The following RGL4 variants were observed in gnomAD, a reference collection of about 807,000 sequenced individuals.
RGL4 encodes ral-GDS-related protein.
Under a neutral mutation model 49.6 loss-of-function variants are expected in RGL4, and 41 were observed. That is an observed-to-expected ratio of 0.83 (90% CI 0.64 to 1.07). The LOEUF (loss-of-function observed/expected upper bound fraction) is 1.07. RGL4 is among the 50% of genes least tolerant of loss of function. The pLI is 0.00. For missense variants in RGL4, 610 were observed against 591.9 expected (o/e 1.03, Z -0.32); for synonymous variants, 255 against 238.0 (o/e 1.07, Z -0.66).
rs2070448 is a variant in RGL4 at position 23,694,470 on chromosome 22, T to C, written c.1016+20T>C. 0.11 allele frequency: 163,906 copies of C among 1,551,118 alleles called. 10,015 individuals are homozygous for C. Among genetic ancestry groups the C allele is most frequent in the East Asian group, 0.28 (12,270 of 44,414 alleles). On this transcript the variant is annotated intron_variant, in intron 5 of 10. Coordinates refer to ENST00000290691, the MANE Select transcript of RGL4 (RefSeq NM_153615.2). Reference sequence around the variant, plus strand: ...GTCCAGGTGAGGAGGGCTCTCTCCATGGCAGCATCAGGGTTGACCTAGGGA... The same window carrying C: ...GTCCAGGTGAGGAGGGCTCTCTCCACGGCAGCATCAGGGTTGACCTAGGGA...
chr22:23,699,077 G>C lies in RGL4; in HGVS notation c.*194G>C. On this transcript the variant is annotated 3_prime_UTR_variant, in exon 11 of 11. Coordinates refer to ENST00000290691, the MANE Select transcript of RGL4 (RefSeq NM_153615.2). ...GGATCAGGCCATGGGACTTTTGTGA[G>C]TCAGGCGGGAGACCATTTTATGTTT... The C allele has an allele frequency of 1.3e-6, 2 of 1,541,534 alleles. No individual in the cohort carries two copies. The highest frequency in any genetic ancestry group is 1.7e-6 in the Non-Finnish European group (2 of 1,146,082).
intron 10 of RGL4, 59 bp from the exon 11 acceptor site, chr22:23,698,785 T>C: frequency 1.3e-6 from 2 of 1,554,646 alleles, no homozygotes; most frequent in Non-Finnish European, 1.7e-6. Flanking sequence ...GGGCAGGCAC[T>C]GACAGGGGAC....
In RGL4 at chr22:23,693,830, T is replaced by A; in HGVS notation, c.768T>A (p.Asn256Lys). ...CIWGQGHLKG[N>K]EHMAPTVRAT... The stretch of plus-strand genomic sequence containing the variant: ...GGGGCCAAGGACATCTGAAGGGGAA[T>A]GAGCACATGGCACCCACAGTTCGTG... Residue 256 changes from asparagine (N) to lysine (K), a missense_variant, in exon 4 of 11, where the codon AAT (asparagine) becomes AAA (lysine). Asn to Lys is a moderately conservative substitution (Grantham distance 94). Coordinates refer to ENST00000290691, the MANE Select transcript of RGL4 (RefSeq NM_153615.2). 6.2e-7 allele frequency: 1 copy of A among 1,614,052 alleles called. No homozygotes were observed. The highest frequency in any genetic ancestry group is 2.2e-5 in the East Asian group (1 of 44,854).
rs1254093400 is a variant in RGL4 at position 23,694,364 on chromosome 22, C to T, written c.930C>T (p.Asn310=). ...CTCTCCAGGAGTGCCTAAGCCTCAA[C>T]AACTTCTCCTCGGTGCACGTCATCG... The part of the protein sequence containing the change: ...IKVARECLSL[N]NFSSVHVIVS... The change falls in exon 5 of 11, where the codon AAC becomes AAT. Residue 310 remains asparagine, a synonymous_variant. Coordinates refer to ENST00000290691, the MANE Select transcript of RGL4 (RefSeq NM_153615.2). 5 of 1,613,908 alleles carry T rather than the reference C, an allele frequency of 3.1e-6. No individual in the cohort carries two copies. In the East Asian group the frequency reaches 6.7e-5, roughly 22 times the overall value.
At position 23,696,479 on chromosome 22, in the gene RGL4, T is replaced by C. The variant is rs751525772; in HGVS notation, c.1087-135T>C. 1.7e-5 allele frequency: 26 copies of C among 1,554,360 alleles called. No individual in the cohort carries two copies. The African/African-American group carries it at 3.3e-4, about 20-fold the overall frequency. On this transcript the variant is annotated intron_variant, in intron 6 of 10. Transcript: ENST00000290691. The stretch of plus-strand genomic sequence containing the variant: ...GACTGGGTGACACACACAGGGAGTG[T>C]GGATCTGGGCCAGTGGTATGAGCAC...
Position 23,698,298 on chromosome 22 carries a change from T to C in RGL4, c.1347T>C (p.Tyr449=), listed in dbSNP as rs769312572. 1.2e-6 allele frequency: 2 copies of C among 1,610,918 alleles called. No homozygotes were observed. The highest frequency in any genetic ancestry group is 1.7e-6 in the Non-Finnish European group (2 of 1,177,352). The change falls in exon 10 of 11, where the codon TAT becomes TAC. Residue 449 remains tyrosine (Y), a synonymous_variant. Transcript: ENST00000290691. The part of the protein sequence containing the change: ...RLRPLEKFVT[Y]FTRMEQLSDK... Reference sequence around the variant, plus strand: ...GGCCTCTTGAGAAATTTGTCACCTATTTCACAAGAATGGAGCAGCTCAGTG... The same window carrying C: ...GGCCTCTTGAGAAATTTGTCACCTACTTCACAAGAATGGAGCAGCTCAGTG...
rs1569117737 is a variant in RGL4, at chr22:23,691,807, A to G, written c.-224A>G. The G allele has an allele frequency of 1.2e-5, 6 of 498,722 alleles. No homozygotes were observed. The East Asian group carries it at 1.8e-4, about 15-fold the overall frequency. 30.9% of individuals were successfully genotyped at this position (498,722 alleles called of 1,614,324 possible). On this transcript the variant is annotated 5_prime_UTR_variant, in exon 1 of 11. Transcript: ENST00000290691. Reference sequence around the variant, plus strand: ...CATACTTCTTATAATTCCCACGAGAAGGCTGACATCTGGGGACTTCCCCCA... The same window carrying G: ...CATACTTCTTATAATTCCCACGAGAGGGCTGACATCTGGGGACTTCCCCCA...
chr22:23,692,203 G>T lies in RGL4; in HGVS notation c.173G>T (p.Gly58Val), dbSNP rs1923180619. ...QVCPFQDSTD[G>V]LRTITSILFN... ...TGCCCCTTCCAGGACAGCACTGATG[G>T]CTTACGGTAGGGTGGGGCTGTCCTC... Residue 58 changes from glycine (G) to valine (V), a missense_variant, in exon 1 of 11, where the codon GGC becomes GTC. Physicochemically the swap from Gly to Val is moderately radical, Grantham distance 109. Coordinates refer to ENST00000290691, the MANE Select transcript of RGL4 (RefSeq NM_153615.2). 2 of 1,612,812 alleles carry T rather than the reference G, an allele frequency of 1.2e-6. No homozygotes were observed. The highest frequency in any genetic ancestry group is 1.7e-6 in the Non-Finnish European group (2 of 1,178,922).
intron 6 of RGL4, chr22:23,695,576 G>A (rs1325392018): frequency 1.5e-5 from 6 of 398,876 alleles, no homozygotes; most frequent in Non-Finnish European, 3.0e-5. Context: ...TCCAGTAACT[G>A]CCCAGCTTTG....
In RGL4 at chr22:23,697,232, C is replaced by T. The variant is rs148688645; in HGVS notation, c.1223C>T (p.Pro408Leu). ...TTACAGAGGCTGGATTCGGCCATCC[C>T]GGACGACCTGGATGTGAGTGAGCCT... ...TELQRLDSAI[P>L]DDLDGNTNKR... Residue 408 changes from proline (P) to leucine (L), a missense_variant, in exon 8 of 11, where the codon CCG becomes CTG. Coordinates refer to ENST00000290691, the MANE Select transcript of RGL4 (RefSeq NM_153615.2). 110 of 1,613,200 alleles carry T rather than the reference C, an allele frequency of 6.8e-5. No individual in the cohort carries two copies. The African/African-American group carries it at 1.2e-3, about 17-fold the overall frequency.
Position 23,695,020 on chromosome 22 carries a change from G to A in RGL4, c.1086+1G>A, listed in dbSNP as rs1923391781. On this transcript the variant is annotated splice_donor_variant, in intron 6 of 10. Transcript: ENST00000290691. LOFTEE classifies it high-confidence loss of function. ...AGTGAAGAGGGACCTACTGATCAAGGTACAGTGGAGTCTGGGAGATGCAGG... is the reference window on the plus strand; with the variant it reads ...AGTGAAGAGGGACCTACTGATCAAGATACAGTGGAGTCTGGGAGATGCAGG... The A allele has an allele frequency of 1.2e-6, 2 of 1,607,246 alleles. No homozygotes were observed. Among genetic ancestry groups the A allele is most frequent in the Non-Finnish European group, 1.7e-6 (2 of 1,173,922 alleles).
rs939709450 is a variant in RGL4, at chr22:23,691,651, C to T, written c.-380C>T. ...ATGGTGGCATCCTCCCAGATTCTGA[C>T]TAGAATGACGCAGCCCAGCAACAAA... On this transcript the variant is annotated 5_prime_UTR_variant, in exon 1 of 11. Transcript: ENST00000290691. 1 of 205,834 alleles carries T rather than the reference C, an allele frequency of 4.9e-6. No homozygotes were observed. The highest frequency in any genetic ancestry group is 1.0e-4 in the South Asian group (1 of 9,938). The allele number at this position is 205,834 out of a possible 1,614,324, so 12.8% of individuals were successfully genotyped here. A position where few individuals can be genotyped will look rare whatever the true frequency, so the allele number is the denominator to read the frequency against.
At chr22:23,695,797 T>C (rs1421409485) in intron 6 of RGL4, among the ~76,000 whole-genome samples, 1 of 152,164 alleles carries the variant, frequency 6.6e-6, no homozygotes, top group African/African-American at 2.4e-5. Flanking sequence ...GAAGGCAACA[T>C]GTCACCCCAC....
At chr22:23,696,089 G>A (rs1223477805) in intron 6 of RGL4, among the ~76,000 whole-genome samples, 1 of 152,168 alleles carries the variant, frequency 6.6e-6, no homozygotes, top group East Asian at 1.9e-4. Context: ...CAGAGAACAC[G>A]ACCCTGATGG....
At chr22:23,697,110 A>C (rs1923557362) in intron 7 of RGL4, 61 bp from the exon 8 acceptor site, 1 of 1,284,256 alleles carries the variant, frequency 7.8e-7, no homozygotes, top group Non-Finnish European at 1.1e-6. Context: ...TTGGGCAGGC[A>C]CCTGAGGGCC....
chr22:23,692,529 G>C lies in RGL4; in HGVS notation c.373+1G>C. The C allele has an allele frequency of 6.2e-7, 1 of 1,612,672 alleles. No homozygotes were observed. Among genetic ancestry groups the C allele is most frequent in the Non-Finnish European group, 8.5e-7 (1 of 1,178,938 alleles). ...GAGCCCAACGAGGCCAAGCCAGATG[G>C]TGAGGGGGCTTGCAGTCTGCAAGAC... On this transcript the variant is annotated splice_donor_variant, in intron 2 of 10. Transcript: ENST00000290691. LOFTEE classifies it high-confidence loss of function.
chr22:23,694,736 A>G, intron 5 of RGL4: 2 of 599,044 alleles, frequency 3.3e-6, no homozygotes, highest in Non-Finnish European at 6.0e-6. Flanking sequence ...CTAACTGTAA[A>G]CACGCAGTGG....
Position 23,697,256 on chromosome 22 carries a change from C to T in RGL4, c.1236+11C>T. On this transcript the variant is annotated intron_variant, in intron 8 of 10. Coordinates refer to ENST00000290691, the MANE Select transcript of RGL4 (RefSeq NM_153615.2). ...CCGGACGACCTGGATGTGAGTGAGC[C>T]TGGGGCAGGGTGCTTGGGAACCAAG... 6.2e-7 allele frequency: 1 copy of T among 1,610,100 alleles called. No homozygotes were observed. Among genetic ancestry groups the T allele is most frequent in the Non-Finnish European group, 8.5e-7 (1 of 1,176,754 alleles).
At chr22:23,693,581 G>A (rs1057155765) in intron 3 of RGL4, among the ~76,000 whole-genome samples, 178 bp from the exon 4 acceptor site, 1 of 152,072 alleles carries the variant, frequency 6.6e-6, no homozygotes, top group African/African-American at 2.4e-5. Context: ...TCCCTCGGGG[G>A]CAGAAAACCA....
Sources: allele counts gnomAD v4.1 joint callset (sites outside exome capture counted in the v4.1 genomes callset), GRCh38; gene constraint gnomAD v4.1.1; transcripts MANE v1.5; gene names NCBI Gene and HGNC (gene_info 2026-07-23, HGNC 2026-07-21).